Variants in GALNT6 observed in about 807,000 individuals in gnomAD.
GALNT6 encodes the protein GalNAc transferase 6.
GALNT6 carries 51 observed loss-of-function variants against 65.9 expected under a neutral mutation model. The ratio of observed to expected loss-of-function variants is 0.77; its 90% confidence interval spans 0.62 to 0.98. GALNT6 has a LOEUF of 0.98. Among genes scored for constraint, GALNT6 ranks in the 50% least tolerant of loss-of-function variants. GALNT6 has a pLI of 0.00. For missense variants in GALNT6, 708 were observed against 803.3 expected (o/e 0.88, Z 1.43); for synonymous variants, 323 against 315.1 (o/e 1.02, Z -0.26).
chr12:51,360,677 G>T, intron 7 of GALNT6, 44 bp downstream of exon 7: 1 of 1,108,488 alleles, frequency 9.0e-7, no homozygotes, highest in Non-Finnish European at 1.4e-6. Context: ...TCAAGCTGTC[G>T]CCTGGGATGT....
At chr12:51,373,326 T>C (rs763837411) in intron 4 of GALNT6, among the ~76,000 whole-genome samples, 2 of 152,218 alleles carry the variant, frequency 1.3e-5, no homozygotes, top group African/African-American at 2.4e-5. Flanking sequence ...CAGTGGGAGA[T>C]AATTGAATCA....
chr12:51,386,893 C>A (rs1947859143), intron 2 of GALNT6, among the ~76,000 whole-genome samples: 1 of 152,280 alleles, frequency 6.6e-6, no homozygotes, highest in South Asian at 2.1e-4. Flanking sequence ...TCTCCAAAGC[C>A]CTCCTCCCAC....
intron 10 of GALNT6, among the ~76,000 whole-genome samples, chr12:51,356,355 T>C (rs868556412): frequency 7.9e-4 from 19 of 24,184 alleles, no homozygotes; most frequent in African/African-American, 1.8e-3. Context: ...TATTTTCTCT[T>C]TTTTTTTTTT....
upstream of GALNT6, chr12:51,391,617 A>AAGCCGC (rs143011477): frequency 0.31 from 47,144 of 151,804 alleles, 8,937 homozygotes; most frequent in Non-Finnish European, 0.42. Flanking sequence ...CGCCGAGGCA[A>AAGCCGC]AGCCGCAGCC....
chr12:51,352,860 T>TG lies in GALNT6; in HGVS notation c.*1518dup, dbSNP rs1387867369. 3 of 152,242 alleles carry TG rather than the reference T, an allele frequency of 2.0e-5. No individual in the cohort carries two copies. The highest frequency in any genetic ancestry group is 4.4e-5 in the Non-Finnish European group (3 of 68,104). 9.4% of individuals were successfully genotyped at this position (152,242 alleles called of 1,614,324 possible). A position where few individuals can be genotyped will look rare whatever the true frequency, so the allele number is the denominator to read the frequency against. Reference sequence around the variant, plus strand: ...CTAATTTTTATATTTTTAGTAGAGATGGGGTTTTACCATGTTGGCCAGGCT... The same window carrying TG: ...CTAATTTTTATATTTTTAGTAGAGATGGGGGTTTTACCATGTTGGCCAGGCT... On this transcript the variant is annotated 3_prime_UTR_variant, in exon 12 of 12. Coordinates refer to ENST00000356317, the MANE Select transcript of GALNT6 (RefSeq NM_007210.4).
rs142086774 is a variant in GALNT6, at chr12:51,375,249, C to G, written c.664+1946G>C. Among the ~76,000 whole-genome samples the G allele has an allele frequency of 2.0e-5, 3 of 152,168 alleles. No individual in the cohort carries two copies. In the East Asian group the frequency reaches 5.8e-4, roughly 29 times the overall value. On this transcript the variant is annotated intron_variant, in intron 4 of 11. Coordinates refer to ENST00000356317, the MANE Select transcript of GALNT6 (RefSeq NM_007210.4). ...CCACACCAGATCTCTTTAACAAACA[C>G]ATTCATGTCTTTAGGACTGTGCTTA...
intron 2 of GALNT6, among the ~76,000 whole-genome samples, chr12:51,380,973 A>G (rs1215556343): frequency 2.0e-5 from 3 of 152,024 alleles, no homozygotes; most frequent in Non-Finnish European, 4.4e-5. Context: ...TTCTTGGCCA[A>G]GCATGGTGTA....
chr12:51,354,235 T>C lies in GALNT6; in HGVS notation c.*144A>G, dbSNP rs891988851. On this transcript the variant is annotated 3_prime_UTR_variant, in exon 12 of 12. Coordinates refer to ENST00000356317, the MANE Select transcript of GALNT6 (RefSeq NM_007210.4). The stretch of plus-strand genomic sequence containing the variant: ...AATGGGCCCAATGTTGTTGCAAGGA[T>C]TAGGAAGGTCCTGCCTTGCCACCCA... The C allele has an allele frequency of 7.1e-5, 39 of 549,846 alleles. No individual in the cohort carries two copies. The Admixed American group carries it at 1.3e-3, about 19-fold the overall frequency. 34.1% of individuals were successfully genotyped at this position (549,846 alleles called of 1,614,324 possible).
chr12:51,380,087 G>A (rs867510533), intron 2 of GALNT6, among the ~76,000 whole-genome samples: 35 of 152,172 alleles, frequency 2.3e-4, no homozygotes, highest in African/African-American at 8.2e-4. Flanking sequence ...ATCCTAATAT[G>A]CATGGATCTA....
intron 2 of GALNT6, among the ~76,000 whole-genome samples, chr12:51,384,003 T>A (rs1202060542): frequency 6.6e-6 from 1 of 152,012 alleles, no homozygotes; most frequent in African/African-American, 2.4e-5. Flanking sequence ...GTCTTGTATA[T>A]CTCCCTCACC....
chr12:51,381,181 A>G (rs1947659596), intron 2 of GALNT6, among the ~76,000 whole-genome samples: 1 of 152,236 alleles, frequency 6.6e-6, no homozygotes, highest in African/African-American at 2.4e-5. Context: ...TTAAGGCTGC[A>G]GTGAGCTATA....
chr12:51,353,641 A>G lies in GALNT6; in HGVS notation c.*738T>C, dbSNP rs1164164526. 1 of 152,530 alleles carries G rather than the reference A, an allele frequency of 6.6e-6. No individual in the cohort carries two copies. Among genetic ancestry groups the G allele is most frequent in the Non-Finnish European group, 1.5e-5 (1 of 68,310 alleles). The allele number at this position is 152,530 out of a possible 1,614,324, so 9.4% of individuals were successfully genotyped here. A position where few individuals can be genotyped will look rare whatever the true frequency, so the allele number is the denominator to read the frequency against. ...TGCCTTGGCCTCCCAAAGTGCTAGG[A>G]TTACAGGTGTGAGCCACTGTGCCCA... On this transcript the variant is annotated 3_prime_UTR_variant, in exon 12 of 12. Transcript: ENST00000356317.
At chr12:51,375,623 T>A (rs1231512004) in intron 4 of GALNT6, among the ~76,000 whole-genome samples, 6 of 151,518 alleles carry the variant, frequency 4.0e-5, no homozygotes, top group Non-Finnish European at 7.4e-5. Context: ...AGTAACATGA[T>A]CTCGGCTCAC....
chr12:51,377,726 A>C (rs757436930), intron 3 of GALNT6, among the ~76,000 whole-genome samples: 2 of 152,186 alleles, frequency 1.3e-5, no homozygotes, highest in African/African-American at 2.4e-5. Flanking sequence ...GAACTGCATA[A>C]AATGTAATCC....
At chr12:51,356,165 T>C (rs1946738359) in intron 10 of GALNT6, among the ~76,000 whole-genome samples, 2 of 147,698 alleles carry the variant, frequency 1.4e-5, no homozygotes, top group African/African-American at 4.9e-5. Flanking sequence ...TATATATGTG[T>C]GTGTGTATAT....
In GALNT6 at chr12:51,358,123, G is replaced by C. The variant is rs1460060907; in HGVS notation, c.1500+7C>G. ...GATGGGCAGGCAGGTTGGTTCTCAA[G>C]ACTTACGGCACCATAGAAGGTGGGC... is the stretch of plus-strand genomic sequence containing the variant. On this transcript the variant is annotated splice_region_variant and intron_variant, in intron 9 of 11. Transcript: ENST00000356317. 3 of 1,612,414 alleles carry C rather than the reference G, an allele frequency of 1.9e-6. No individual in the cohort carries two copies. The highest frequency in any genetic ancestry group is 1.7e-4 in the Middle Eastern group (1 of 6,054).
At chr12:51,370,696 A>G (rs907158698) in intron 4 of GALNT6, among the ~76,000 whole-genome samples, 8 of 152,126 alleles carry the variant, frequency 5.3e-5, no homozygotes, top group Non-Finnish European at 1.2e-4. Flanking sequence ...TGTGGGGAGG[A>G]CAGCGTGGAG....
At chr12:51,373,125 A>G (rs1947340671) in intron 4 of GALNT6, among the ~76,000 whole-genome samples, 1 of 152,060 alleles carries the variant, frequency 6.6e-6, no homozygotes, top group Non-Finnish European at 1.5e-5. Context: ...TTGGACTTGG[A>G]CTTTTGGGTT....
In GALNT6 at chr12:51,377,338, G is replaced by C. The variant is rs748604176; in HGVS notation, c.521C>G (p.Pro174Arg). 19 of 1,612,672 alleles carry C rather than the reference G, an allele frequency of 1.2e-5. No homozygotes were observed. The highest frequency in any genetic ancestry group is 1.6e-5 in the Non-Finnish European group (19 of 1,179,998). ...ECVDQKFRRC[P>R]PLATTSVIIV... ...GATCACGCTGGTGGTGGCCAGTGGG[G>C]GGCAGCGCCGGAACTTCTGGTCCAC... The change falls in exon 4 of 12, where the codon CCC (proline) becomes CGC (arginine). Residue 174 changes from proline to arginine, a missense_variant. Physicochemically the swap from Pro to Arg is moderately radical, Grantham distance 103. Transcript: ENST00000356317.
Sources: allele counts gnomAD v4.1 joint callset (sites outside exome capture counted in the v4.1 genomes callset), GRCh38; gene constraint gnomAD v4.1.1; transcripts MANE v1.5; gene names NCBI Gene and HGNC (gene_info 2026-07-23, HGNC 2026-07-21).